The following WTIP variants were observed in gnomAD, a reference collection of about 807,000 sequenced individuals.
WTIP encodes Wilms tumor protein 1-interacting protein.
A neutral mutation model predicts 41.7 loss-of-function variants in WTIP; 23 were observed. The observed-to-expected ratio is 0.55, with a 90% CI of 0.40 to 0.78. The LOEUF is 0.78. WTIP is among the 30% of genes least tolerant of loss of function. The probability of loss-of-function intolerance (pLI) is 0.00; values close to 1 mark genes in which losing one functional copy is unlikely to be tolerated. For synonymous variants in WTIP, 314 were observed against 269.9 expected, an observed-to-expected ratio of 1.16 and a Z score of -1.60; for missense variants, 619 against 610.5, an observed-to-expected ratio of 1.01 and a Z score of -0.15.
chr19:34,500,954 C>T lies in WTIP; in HGVS notation c.*685C>T, dbSNP rs1476201274. 6 of 152,858 alleles carry T rather than the reference C, an allele frequency of 3.9e-5. No homozygotes were observed. The highest frequency in any genetic ancestry group is 1.4e-4 in the African/African-American group (6 of 41,586). The allele number at this position is 152,858 out of a possible 1,614,324, so 9.5% of individuals were successfully genotyped here. A position where few individuals can be genotyped will look rare whatever the true frequency, so the allele number is the denominator to read the frequency against. On this transcript the variant is annotated 3_prime_UTR_variant, in exon 8 of 8. Coordinates refer to ENST00000590071, the MANE Select transcript of WTIP (RefSeq NM_001080436.2). ...CTTCCAGGGCTCCTGGCTTGGGCCC[C>T]CCGACCCCCCTGCTCAGCTCGGGAA...
chr19:34,510,778 C>T lies in WTIP; in HGVS notation c.*10509C>T, dbSNP rs1373705954. 6.6e-6 allele frequency: 1 copy of T among 152,242 alleles called. No homozygotes were observed. The highest frequency in any genetic ancestry group is 1.9e-4 in the East Asian group (1 of 5,204). 9.4% of individuals were successfully genotyped at this position (152,242 alleles called of 1,614,324 possible). On this transcript the variant is annotated 3_prime_UTR_variant, in exon 8 of 8. Transcript: ENST00000590071. ...GCCAGATACCCTAAATTATCTCTCT[C>T]AAGTTCAAAGTTCCACAAATCTCTA...
At position 34,501,959 on chromosome 19, in the gene WTIP, CTTTTT is replaced by C. The variant is rs562675000; in HGVS notation, c.*1699_*1703del. On this transcript the variant is annotated 3_prime_UTR_variant, in exon 8 of 8. Transcript: ENST00000590071. ...GCTGAGCTGCTTTTTCTTTTCTTTT[CTTTTT>C]TTTTTTTTGAGACGGAGTGTCATTG... The C allele has an allele frequency of 0.083, 9,616 of 115,658 alleles. 742 individuals carry two copies. Among genetic ancestry groups the C allele is most frequent in the African/African-American group, 0.23 (7,600 of 32,992 alleles). 7.2% of individuals were successfully genotyped at this position (115,658 alleles called of 1,614,324 possible). A position where few individuals can be genotyped will look rare whatever the true frequency, so the allele number is the denominator to read the frequency against.
At chr19:34,489,091 C>T (rs933423820) in intron 1 of WTIP, among the ~76,000 whole-genome samples, 8 of 143,590 alleles carry the variant, frequency 5.6e-5, no homozygotes, top group Admixed American at 3.7e-4. Flanking sequence ...CCCAGCTACT[C>T]GGGAGGCTGA....
intron 1 of WTIP, among the ~76,000 whole-genome samples, chr19:34,484,756 G>GCT (rs2075788927): frequency 6.6e-6 from 1 of 151,914 alleles, no homozygotes; most frequent in Non-Finnish European, 1.5e-5. Flanking sequence ...GGGTGTGGTG[G>GCT]CACATTTTTT....
At chr19:34,499,701 C>CTT (rs34005738) in intron 7 of WTIP, among the ~76,000 whole-genome samples, 13 of 140,134 alleles carry the variant, frequency 9.3e-5, no homozygotes, top group Admixed American at 7.2e-4. Flanking sequence ...GAGGAAGAGT[C>CTT]TTTTTTTTTT....
intron 1 of WTIP, among the ~76,000 whole-genome samples, chr19:34,486,232 A>G (rs1328219613): frequency 6.6e-6 from 1 of 151,858 alleles, no homozygotes; most frequent in Non-Finnish European, 1.5e-5. Context: ...CTCTGAGCCC[A>G]TGCTTTGACC....
At position 34,509,238 on chromosome 19, in the gene WTIP, T is replaced by G. The variant is rs2075924739; in HGVS notation, c.*8969T>G. On this transcript the variant is annotated 3_prime_UTR_variant, in exon 8 of 8. Transcript: ENST00000590071. Reference sequence around the variant, plus strand: ...CTGCTGATAAAGACATCCCCAAGACTGGGAAGAAAAAGAGGTTTAATTGGA... The same window carrying G: ...CTGCTGATAAAGACATCCCCAAGACGGGGAAGAAAAAGAGGTTTAATTGGA... The G allele has an allele frequency of 6.6e-6, 1 of 152,114 alleles. No individual in the cohort carries two copies. The highest frequency in any genetic ancestry group is 1.9e-4 in the East Asian group (1 of 5,184). 9.4% of individuals were successfully genotyped at this position (152,114 alleles called of 1,614,324 possible).
At position 34,500,544 on chromosome 19, in the gene WTIP, T is replaced by TC; in HGVS notation, c.*276dup. 5.0e-6 allele frequency: 2 copies of TC among 402,656 alleles called. No homozygotes were observed. Among genetic ancestry groups the TC allele is most frequent in the East Asian group, 8.0e-5 (2 of 24,894 alleles). The allele number at this position is 402,656 out of a possible 1,614,324, so 24.9% of individuals were successfully genotyped here. ...CTGCAGCCTCAGGGTAGGCCGTGGG[T>TC]CACCAGGCTGGAGAGGGCCCCTGCC... On this transcript the variant is annotated 3_prime_UTR_variant, in exon 8 of 8. Transcript: ENST00000590071.
chr19:34,493,049 G>T lies in WTIP; in HGVS notation c.782G>T (p.Arg261Leu), dbSNP rs370840550. ...CTCACCCTTGCAGGGAGACGACTCC[G>T]TGGGAAGGCGTTCTACAACGTGGGT... ...FTCDSCGRRL[R>L]GKAFYNVGEK... Residue 261 changes from arginine to leucine, a missense_variant, in exon 3 of 8, where the codon CGT (arginine) becomes CTT (leucine). Transcript: ENST00000590071. The surrounding 1 kb of genome is among the most constrained non-coding windows in gnomAD (Gnocchi z 4.1). 1.9e-6 allele frequency: 3 copies of T among 1,613,932 alleles called. No homozygotes were observed. The highest frequency in any genetic ancestry group is 3.3e-5 in the Admixed American group (2 of 60,024).
Position 34,493,331 on chromosome 19 carries a change from C to T in WTIP, c.900+6C>T, listed in dbSNP as rs971147171. ...GACATCTCATCATGGAAATGGTGAG[C>T]CCCTGCCCCAGCCTCCTGGAGCCCC... On this transcript the variant is annotated splice_donor_region_variant and intron_variant, in intron 4 of 7. Coordinates refer to ENST00000590071, the MANE Select transcript of WTIP (RefSeq NM_001080436.2). This position sits in a 1 kb window ranked among gnomAD's most constrained non-coding sequence, Gnocchi z 4.1. The T allele has an allele frequency of 2.5e-6, 4 of 1,611,802 alleles. No homozygotes were observed. Among genetic ancestry groups the T allele is most frequent in the Non-Finnish European group, 2.5e-6 (3 of 1,179,184 alleles).
chr19:34,490,335 G>A (rs772191601), intron 1 of WTIP, 41 bp from the exon 2 acceptor site: 45 of 1,595,034 alleles, frequency 2.8e-5, no homozygotes, highest in Non-Finnish European at 3.3e-5. Context: ...GGCATAGGCT[G>A]TGGCGCTAAC....
intron 5 of WTIP, among the ~76,000 whole-genome samples, chr19:34,494,382 C>T (rs2145604198): frequency 6.6e-6 from 1 of 151,208 alleles, no homozygotes; most frequent in South Asian, 2.1e-4. Flanking sequence ...AGTGAGACCC[C>T]ATTTCTATTA....
chr19:34,487,773 A>G (rs922322540), intron 1 of WTIP, among the ~76,000 whole-genome samples: 5 of 151,888 alleles, frequency 3.3e-5, no homozygotes, highest in Admixed American at 2.6e-4. Flanking sequence ...TGGAGCTGGC[A>G]GAAGATTTAC....
In WTIP at chr19:34,491,458, G is replaced by A. The variant is rs573521611; in HGVS notation, c.769+981G>A. On this transcript the variant is annotated intron_variant, in intron 2 of 7. Coordinates refer to ENST00000590071, the MANE Select transcript of WTIP (RefSeq NM_001080436.2). ...TCTGCCTCAGCCTCCCGAGTAGCTG[G>A]GATTACAGGCACACGCCACCACTCC... Among the ~76,000 whole-genome samples, 163 of 151,892 alleles carry A rather than the reference G, an allele frequency of 1.1e-3. 2 individuals carry two copies. Among genetic ancestry groups the A allele is most frequent in the African/African-American group, 3.9e-3 (160 of 41,390 alleles).
Position 34,490,394 on chromosome 19 carries a change from G to A in WTIP, c.686G>A (p.Gly229Glu). 6.2e-7 allele frequency: 1 copy of A among 1,613,994 alleles called. No homozygotes were observed. Among genetic ancestry groups the A allele is most frequent in the Non-Finnish European group, 8.5e-7 (1 of 1,179,886 alleles). ...CTCCTAGGCATTTGCATCAAGTGTGGGCTTGGCATCTACGGAGCCCAGCAG... is the reference window on the plus strand; with the variant it reads ...CTCCTAGGCATTTGCATCAAGTGTGAGCTTGGCATCTACGGAGCCCAGCAG... ...RDYFGICIKC[G>E]LGIYGAQQAC... The change falls in exon 2 of 8, where the codon GGG becomes GAG. Residue 229 changes from glycine (G) to glutamate (E), a missense_variant. Gly to Glu is a moderately conservative substitution (Grantham distance 98, BLOSUM62 -2). Around this residue, in one of 3 missense-constraint regions of WTIP, gnomAD observed 164 missense variants for 219.1 expected, o/e 0.75. Coordinates refer to ENST00000590071, the MANE Select transcript of WTIP (RefSeq NM_001080436.2).
At chr19:34,491,015 A>T (rs1238110322) in intron 2 of WTIP, among the ~76,000 whole-genome samples, 3 of 148,246 alleles carry the variant, frequency 2.0e-5, no homozygotes, top group African/African-American at 7.5e-5. Context: ...TTAGGTAGAG[A>T]TGGGGTTTTA....
chr19:34,492,804 A>T (rs554764379), intron 2 of WTIP, among the ~76,000 whole-genome samples: 1 of 152,202 alleles, frequency 6.6e-6, no homozygotes, highest in Non-Finnish European at 1.5e-5. Context: ...ATATTTATTC[A>T]TATATTTGTT....
chr19:34,499,792 C>T (rs1329458500), intron 7 of WTIP, among the ~76,000 whole-genome samples: 4 of 151,894 alleles, frequency 2.6e-5, no homozygotes, highest in African/African-American at 7.3e-5. Context: ...CTCTGCCTCC[C>T]GGGTTTAAGT....
intron 1 of WTIP, among the ~76,000 whole-genome samples, chr19:34,486,368 GTT>G (rs958334274): frequency 6.8e-5 from 9 of 131,994 alleles, no homozygotes; most frequent in Admixed American, 7.6e-5. Flanking sequence ...TTGTCAGTTT[GTT>G]TTTTTTTTTT....
Sources: gnomAD v4.1 joint callset for allele counts (sites outside exome capture counted in the v4.1 genomes callset) on GRCh38, gnomAD v4.1.1 for gene constraint, gnomAD v4.1.1 regional missense constraint, Gnocchi (gnomAD v3.1) non-coding constraint, MANE v1.5 for transcripts, NCBI Gene and HGNC (gene_info 2026-07-23, HGNC 2026-07-21) for gene names.